Variants in STIM2 observed in about 807,000 individuals in gnomAD.
STIM2 encodes the protein stromal interaction molecule 2.
A neutral mutation model predicts 85.8 loss-of-function variants in STIM2; 31 were observed. That is an observed-to-expected ratio of 0.36 (90% CI 0.27 to 0.49). The LOEUF (loss-of-function observed/expected upper bound fraction) is 0.49, where lower values mean the gene tolerates loss of function less well. Ranked by LOEUF, STIM2 falls within the 20% of genes least tolerant of loss-of-function variation. The pLI is 0.98. For missense variants in STIM2, 841 were observed against 927.6 expected, an observed-to-expected ratio of 0.91 and a Z score of 1.21; for synonymous variants, 356 against 331.1, an observed-to-expected ratio of 1.08 and a Z score of -0.82.
chr4:26,946,794 T>G (rs1259263104), intron 2 of STIM2, among the ~76,000 whole-genome samples: 1 of 152,130 alleles, frequency 6.6e-6, no homozygotes, highest in Non-Finnish European at 1.5e-5. Flanking sequence ...ACCAGTTTGG[T>G]TTTGTGGTTT....
At chr4:27,007,165 A>G (rs1285403001) in intron 7 of STIM2, among the ~76,000 whole-genome samples, 1 of 151,652 alleles carries the variant, frequency 6.6e-6, no homozygotes, top group Non-Finnish European at 1.5e-5. Context: ...TTTAATTTGT[A>G]TATACCCTTG....
intron 2 of STIM2, among the ~76,000 whole-genome samples, chr4:26,929,926 G>T (rs1036184859): frequency 6.6e-6 from 1 of 151,974 alleles, no homozygotes; most frequent in African/African-American, 2.4e-5. Context: ...GCAAAGTGAG[G>T]GTAACACTTA....
At chr4:26,957,360 C>T (rs957265948) in intron 2 of STIM2, among the ~76,000 whole-genome samples, 8 of 152,130 alleles carry the variant, frequency 5.3e-5, no homozygotes, top group Non-Finnish European at 1.0e-4. Flanking sequence ...GAATAATACC[C>T]GGTAAATAAT....
chr4:26,882,322 AGTT>A (rs1345593746), intron 1 of STIM2, among the ~76,000 whole-genome samples: 3 of 152,124 alleles, frequency 2.0e-5, no homozygotes, highest in Non-Finnish European at 2.9e-5. Context: ...GTAAAGTTTC[AGTT>A]GTTGCTAATT....
At chr4:26,866,819 T>C (rs945106296) in intron 1 of STIM2, among the ~76,000 whole-genome samples, 3 of 152,164 alleles carry the variant, frequency 2.0e-5, no homozygotes, top group African/African-American at 7.2e-5. Flanking sequence ...TAAAACTATT[T>C]GAAGGTTTCT....
intron 1 of STIM2, among the ~76,000 whole-genome samples, chr4:26,903,566 A>G (rs1220736314): frequency 2.6e-5 from 4 of 152,222 alleles, no homozygotes; most frequent in African/African-American, 4.8e-5. Flanking sequence ...CAAGAGCATA[A>G]AATTATAAAA....
chr4:26,891,708 A>G (rs1723497821), intron 1 of STIM2, among the ~76,000 whole-genome samples: 1 of 152,168 alleles, frequency 6.6e-6, no homozygotes, highest in Non-Finnish European at 1.5e-5. Flanking sequence ...CCAAATACAA[A>G]GAGGCCTACT....
intron 1 of STIM2, among the ~76,000 whole-genome samples, chr4:26,879,792 G>C (rs1225455406): frequency 6.6e-6 from 1 of 152,166 alleles, no homozygotes; most frequent in African/African-American, 2.4e-5. Context: ...GATTCAGCCA[G>C]AGTCCTAAGA....
chr4:26,967,809 T>C (rs914001133), intron 3 of STIM2, among the ~76,000 whole-genome samples: 5 of 152,166 alleles, frequency 3.3e-5, no homozygotes, highest in African/African-American at 7.2e-5. Context: ...CCCTCCACTT[T>C]CCTCTTCCCC....
At chr4:27,009,456 C>T (rs1728488880) in intron 10 of STIM2, among the ~76,000 whole-genome samples, 1 of 152,130 alleles carries the variant, frequency 6.6e-6, no homozygotes, top group Middle Eastern at 3.2e-3. Flanking sequence ...AATATCCTTT[C>T]AAATGGCCGC....
chr4:27,002,348 G>A lies in STIM2; in HGVS notation c.757G>A (p.Glu253Lys). 6.2e-7 allele frequency: 1 copy of A among 1,613,128 alleles called. No individual in the cohort carries two copies. Among genetic ancestry groups the A allele is most frequent in the Non-Finnish European group, 8.5e-7 (1 of 1,179,758 alleles). Reference sequence around the variant, plus strand: ...TGTTGCAAAAATGATGAAAGATTTAGAGAGCTTACAAACTGCAGAGCAAAG... The same window carrying A: ...TGTTGCAAAAATGATGAAAGATTTAAAGAGCTTACAAACTGCAGAGCAAAG... The change falls in exon 6 of 12, where the codon GAG (glutamate) becomes AAG (lysine). Residue 253 changes from glutamate (E) to lysine (K), a missense_variant. This residue lies in a region of STIM2 where 408 missense variants were observed against 525.4 expected (regional missense o/e 0.78). Transcript: ENST00000467087.
chr4:26,961,039 G>A (rs543264586), intron 3 of STIM2, among the ~76,000 whole-genome samples: 6 of 151,660 alleles, frequency 4.0e-5, no homozygotes, highest in East Asian at 1.9e-4. Flanking sequence ...TACTTGTACC[G>A]CTAAAAAGAA....
chr4:26,885,203 A>G (rs1723170677), intron 1 of STIM2, among the ~76,000 whole-genome samples: 1 of 152,132 alleles, frequency 6.6e-6, no homozygotes, highest in African/African-American at 2.4e-5. Context: ...TAGTTTTCCA[A>G]AAGCTTTTTA....
In STIM2 at chr4:27,022,563, C is replaced by T. The variant is rs1728947661; in HGVS notation, c.1808C>T (p.Ser603Phe). The stretch of plus-strand genomic sequence containing the variant: ...TCAGAATGTGACTCCTTAAATTCTT[C>T]CATTGGAAGGAAACAGTCTCCTCCT... Residue 603 changes from serine (S) to phenylalanine (F), a missense_variant, in exon 12 of 12, where the codon TCC (serine) becomes TTC (phenylalanine). Physicochemically the swap from Ser to Phe is radical, Grantham distance 155 (BLOSUM62 -2). This residue lies in a region of STIM2 where 293 missense variants were observed against 284.5 expected (regional missense o/e 1.03). Transcript: ENST00000467087. 1 of 1,607,610 alleles carries T rather than the reference C, an allele frequency of 6.2e-7. No individual in the cohort carries two copies. Among genetic ancestry groups the T allele is most frequent in the Non-Finnish European group, 8.5e-7 (1 of 1,174,710 alleles).
intron 2 of STIM2, among the ~76,000 whole-genome samples, chr4:26,921,740 C>T (rs937533332): frequency 6.6e-6 from 1 of 152,154 alleles, no homozygotes; most frequent in Non-Finnish European, 1.5e-5. Context: ...AGATTACTGT[C>T]TCTAAGTTTT....
rs756804782 is a variant in STIM2, at chr4:27,025,246, A to G, written c.*2250A>G. The G allele has an allele frequency of 3.6e-4, 55 of 152,228 alleles. No homozygotes were observed. The highest frequency in any genetic ancestry group is 8.8e-5 in the Non-Finnish European group (6 of 68,026). The allele number at this position is 152,228 out of a possible 1,614,324, so 9.4% of individuals were successfully genotyped here. A position where few individuals can be genotyped will look rare whatever the true frequency, so the allele number is the denominator to read the frequency against. Reference sequence around the variant, plus strand: ...AAATTATTGAGTTTTGGAAAGCTACAGTAATTTCTGTATTACATCATTTAT... The same window carrying G: ...AAATTATTGAGTTTTGGAAAGCTACGGTAATTTCTGTATTACATCATTTAT... On this transcript the variant is annotated 3_prime_UTR_variant, in exon 12 of 12. Transcript: ENST00000467087.
intron 1 of STIM2, among the ~76,000 whole-genome samples, chr4:26,907,309 C>G (rs946574331): frequency 1.3e-5 from 2 of 151,878 alleles, no homozygotes; most frequent in Non-Finnish European, 2.9e-5. Context: ...GGTATAAAAA[C>G]ATTATGTGAA....
rs1722160670 is a variant in STIM2 at position 26,861,141 on chromosome 4, TCTC to T, written c.-74_-72del. The stretch of plus-strand genomic sequence containing the variant: ...GGCGCCGCTGCGCTTTCACCCGGCT[TCTC>T]CTCGGCGCCTTCATCCCGCCTCGAC... On this transcript the variant is annotated 5_prime_UTR_variant, in exon 1 of 12. Transcript: ENST00000467087. The T allele has an allele frequency of 2.3e-6, 3 of 1,277,210 alleles. No individual in the cohort carries two copies. The highest frequency in any genetic ancestry group is 3.7e-5 in the Admixed American group (1 of 27,098). The allele number at this position is 1,277,210 out of a possible 1,614,324, so 79.1% of individuals were successfully genotyped here. A position where few individuals can be genotyped will look rare whatever the true frequency, so the allele number is the denominator to read the frequency against.
intron 2 of STIM2, among the ~76,000 whole-genome samples, chr4:26,921,472 A>G (rs1577438957): frequency 6.6e-6 from 1 of 152,134 alleles, no homozygotes; most frequent in South Asian, 2.1e-4. Context: ...TAACTATTCA[A>G]CTCCGCCACT....
Sources: gnomAD v4.1 joint callset for allele counts (sites outside exome capture counted in the v4.1 genomes callset) on GRCh38, gnomAD v4.1.1 for gene constraint, gnomAD v4.1.1 regional missense constraint, MANE v1.5 for transcripts, NCBI Gene and HGNC (gene_info 2026-07-23, HGNC 2026-07-21) for gene names.